Variants in EXO1 observed in about 807,000 individuals in gnomAD.
EXO1 encodes exonuclease 1.
A neutral mutation model predicts 84.5 loss-of-function variants in EXO1; 69 were observed. The observed-to-expected ratio is 0.82, with a 90% CI of 0.67 to 1.00. The LOEUF (loss-of-function observed/expected upper bound fraction) is 1.00. Among genes scored for constraint, EXO1 ranks in the 50% least tolerant of loss-of-function variants. The pLI, the probability that EXO1 is intolerant of heterozygous loss-of-function variation, is 0.00. For synonymous variants in EXO1, 373 were observed against 366.1 expected (o/e 1.02, Z -0.21); for missense variants, 1,045 against 1,000.7 (o/e 1.04, Z -0.60).
At chr1:241,880,360 A>C (rs1662685011) in intron 13 of EXO1, among the ~76,000 whole-genome samples, 1 of 152,150 alleles carries the variant, frequency 6.6e-6, no homozygotes, top group Non-Finnish European at 1.5e-5. Flanking sequence ...CTTTGGGGTT[A>C]TCTTTTTTAT....
At position 241,857,471 on chromosome 1, in the gene EXO1, G is replaced by A. The variant is rs376344276; in HGVS notation, c.532G>A (p.Gly178Ser). 11 of 1,613,644 alleles carry A rather than the reference G, an allele frequency of 6.8e-6. No homozygotes were observed. The highest frequency in any genetic ancestry group is 8.5e-6 in the Non-Finnish European group (10 of 1,179,886). ...AGAGGACTCGGATCTCCTAGCTTTT[G>A]GCTGTAAAAAGGTACTCACCTCTGA... ...ITEDSDLLAF[G>S]CKKVILKMDQ... The change falls in exon 7 of 16, where the codon GGC (glycine) becomes AGC (serine). Residue 178 changes from glycine to serine, a missense_variant. Transcript: ENST00000366548.
intron 11 of EXO1, among the ~76,000 whole-genome samples, chr1:241,868,668 A>C (rs1236172690): frequency 1.3e-5 from 2 of 152,188 alleles, no homozygotes; most frequent in Non-Finnish European, 2.9e-5. Flanking sequence ...ACCCTGTCTC[A>C]AATAAAAAGT....
chr1:241,886,105 G>A (rs1483086290), intron 15 of EXO1, among the ~76,000 whole-genome samples: 2 of 152,150 alleles, frequency 1.3e-5, no homozygotes, highest in African/African-American at 2.4e-5. Flanking sequence ...CACCCGCCAC[G>A]GCCTCCCAAG....
chr1:241,875,806 A>T (rs184283319), intron 12 of EXO1, among the ~76,000 whole-genome samples: 6 of 152,310 alleles, frequency 3.9e-5, no homozygotes, highest in Middle Eastern at 3.4e-3. Flanking sequence ...TGAACCCGGG[A>T]GGCGGAGGTT....
chr1:241,849,003 A>C lies in EXO1; in HGVS notation c.-147A>C, dbSNP rs1295896809. 6.6e-6 allele frequency: 1 copy of C among 151,904 alleles called. No individual in the cohort carries two copies. Among genetic ancestry groups the C allele is most frequent in the African/African-American group, 2.4e-5 (1 of 41,334 alleles). The allele number at this position is 151,904 out of a possible 1,614,324, so 9.4% of individuals were successfully genotyped here. A position where few individuals can be genotyped will look rare whatever the true frequency, so the allele number is the denominator to read the frequency against. ...TCCGTTTTCCTCGGAGTGAGAGAAA[A>C]CTCTTTTTAGATATCATCTGAGAGG... On this transcript the variant is annotated 5_prime_UTR_variant, in exon 2 of 16. Transcript: ENST00000366548.
At chr1:241,889,080 A>G (rs1663231903) in intron 15 of EXO1, among the ~76,000 whole-genome samples, 2 of 152,158 alleles carry the variant, frequency 1.3e-5, no homozygotes, top group South Asian at 2.1e-4. Flanking sequence ...AAAAAAGAAA[A>G]AAAATAATAA....
At chr1:241,857,107 G>C (rs4149895) in intron 6 of EXO1, among the ~76,000 whole-genome samples, 2 of 152,244 alleles carry the variant, frequency 1.3e-5, no homozygotes, top group South Asian at 2.1e-4. Flanking sequence ...CTGTGTAGCA[G>C]TATTTCTTTT....
intron 7 of EXO1, among the ~76,000 whole-genome samples, chr1:241,858,020 G>T (rs374093938): frequency 6.6e-6 from 1 of 152,244 alleles, no homozygotes; most frequent in East Asian, 1.9e-4. Flanking sequence ...GACTAGAAGG[G>T]TCTCTATCAA....
In EXO1 at chr1:241,857,544, C is replaced by A. The variant is rs1574140910; in HGVS notation, c.543+62C>A. ...GTAGATAGTAGTGTAAATCAAGGAGCTGAAATTTTTCCTGTCCAGGAAATT... is the reference window on the plus strand; with the variant it reads ...GTAGATAGTAGTGTAAATCAAGGAGATGAAATTTTTCCTGTCCAGGAAATT... On this transcript the variant is annotated intron_variant, in intron 7 of 15. Transcript: ENST00000366548. 9.4e-6 allele frequency: 11 copies of A among 1,171,758 alleles called. No individual in the cohort carries two copies. In the East Asian group the frequency reaches 2.8e-4, roughly 30 times the overall value. 72.6% of individuals were successfully genotyped at this position (1,171,758 alleles called of 1,614,324 possible). A position where few individuals can be genotyped will look rare whatever the true frequency, so the allele number is the denominator to read the frequency against.
At position 241,885,327 on chromosome 1, in the gene EXO1, A is replaced by C; in HGVS notation, c.2225A>C (p.Tyr742Ser). ...TPLRNKVPGL[Y>S]KSSSADSLST... ...TTTAATCTTCAGGTTCCTGGGCTAT[A>C]TAAGTCCAGTTCTGCAGACTCTCTT... Residue 742 changes from tyrosine to serine, a missense_variant, in exon 15 of 16, where the codon TAT (tyrosine) becomes TCT (serine). Transcript: ENST00000366548. The C allele has an allele frequency of 6.2e-7, 1 of 1,613,524 alleles. No individual in the cohort carries two copies.
intron 14 of EXO1, 99 bp downstream of exon 14, chr1:241,882,116 G>A (rs1311389925): frequency 1.2e-5 from 8 of 661,684 alleles, no homozygotes; most frequent in South Asian, 5.3e-5. Flanking sequence ...CAAAATACCT[G>A]TAGTCTCATT....
At chr1:241,871,911 GTTTTT>G in intron 11 of EXO1, 116 bp from the exon 12 acceptor site, 2 of 517,332 alleles carry the variant, frequency 3.9e-6, no homozygotes, top group South Asian at 3.0e-5. Context: ...CTGAGGCATA[GTTTTT>G]TTTTTTTTTT....
chr1:241,884,164 G>T (rs1662916250), intron 14 of EXO1, among the ~76,000 whole-genome samples: 2 of 152,084 alleles, frequency 1.3e-5, no homozygotes, highest in Admixed American at 1.3e-4. Context: ...TCCTTCTACA[G>T]CAGTTAGAGA....
chr1:241,854,550 G>A (rs1660857918), intron 6 of EXO1: 1 of 152,278 alleles, frequency 6.6e-6, no homozygotes, highest in Non-Finnish European at 1.5e-5. Flanking sequence ...TGTCATTTGA[G>A]TCTCTGGCTC....
At chr1:241,878,474 T>C (rs371350036) in intron 12 of EXO1, among the ~76,000 whole-genome samples, 229 of 137,900 alleles carry the variant, frequency 1.7e-3, no homozygotes, top group African/African-American at 6.1e-3. Flanking sequence ...TCCAGCCTGG[T>C]GACAGAGAGA....
At chr1:241,885,865 G>GT (rs764996841) in intron 15 of EXO1, among the ~76,000 whole-genome samples, 98 of 1,662 alleles carry the variant, frequency 0.059, no homozygotes, top group Middle Eastern at 0.5. Context: ...TTTGTTTTTT[G>GT]TTTTTTTGAG....
At chr1:241,880,217 C>T (rs1662676017) in intron 13 of EXO1, among the ~76,000 whole-genome samples, 1 of 152,076 alleles carries the variant, frequency 6.6e-6, no homozygotes, top group Non-Finnish European at 1.5e-5. Context: ...ACGTCTTTAT[C>T]TCGTCTTTTT....
rs1222680045 is a variant in EXO1, at chr1:241,881,945, C to T, written c.2139C>T (p.Asp713=). 1 of 1,576,470 alleles carries T rather than the reference C, an allele frequency of 6.3e-7. No individual in the cohort carries two copies. The change falls in exon 14 of 16, where the codon GAC becomes GAT. Residue 713 remains aspartate (D), a synonymous_variant. Transcript: ENST00000366548. The stretch of plus-strand genomic sequence containing the variant: ...CTGATTGCAATATTAAGTTACTTGA[C>T]AGTCAAAGTGACCAGACCTCCAAGC... The part of the protein sequence containing the change: ...EESDCNIKLL[D]SQSDQTSKLR...
At position 241,879,248 on chromosome 1, in the gene EXO1, T is replaced by A; in HGVS notation, c.2014T>A (p.Cys672Ser). 1 of 1,599,184 alleles carries A rather than the reference T, an allele frequency of 6.3e-7. No homozygotes were observed. The highest frequency in any genetic ancestry group is 1.7e-5 in the Admixed American group (1 of 57,196). Residue 672 changes from cysteine to serine, a missense_variant, in exon 13 of 16, where the codon TGT (cysteine) becomes AGT (serine). Physicochemically the swap from Cys to Ser is moderately radical, Grantham distance 112 (BLOSUM62 -1). Coordinates refer to ENST00000366548, the MANE Select transcript of EXO1 (RefSeq NM_130398.4). ...DESHPLREEA[C>S]SSQSQESGEF... ...GTCTCATCCCTTACGAGAAGAGGCA[T>A]GTTCTTCACAGTCCCAGGAAAGTGG...
Sources: gnomAD v4.1 joint callset for allele counts (sites outside exome capture counted in the v4.1 genomes callset) on GRCh38, gnomAD v4.1.1 for gene constraint, MANE v1.5 for transcripts, NCBI Gene and HGNC (gene_info 2026-07-23, HGNC 2026-07-21) for gene names.